ITFG2: variants seen among roughly 807,000 people sequenced by gnomAD.
ITFG2 encodes the protein KICSTOR complex protein ITFG2.
A neutral mutation model predicts 54.4 loss-of-function variants in ITFG2; 36 were observed. That is an observed-to-expected ratio of 0.66 (90% CI 0.51 to 0.87). The LOEUF (loss-of-function observed/expected upper bound fraction) is 0.87. Among genes scored for constraint, ITFG2 ranks in the 40% least tolerant of loss-of-function variants. The pLI, the probability that ITFG2 is intolerant of heterozygous loss-of-function variation, is 0.00. For synonymous variants in ITFG2, 211 were observed against 225.4 expected, an observed-to-expected ratio of 0.94 and a Z score of 0.57; for missense variants, 524 against 576.7, an observed-to-expected ratio of 0.91 and a Z score of 0.94.
chr12:2,850,317 T>TA (rs554655576), intron 2 of ITFG2, among the ~76,000 whole-genome samples: 222 of 151,762 alleles, frequency 1.5e-3, no homozygotes, highest in African/African-American at 5.0e-3. Context: ...CTACTAAAAA[T>TA]ACAAAAATTA....
chr12:2,823,205 C>T (rs752561287), intron 10 of ITFG2, among the ~76,000 whole-genome samples: 22 of 152,170 alleles, frequency 1.4e-4, no homozygotes, highest in Non-Finnish European at 2.4e-4. Flanking sequence ...ATCTCCACCC[C>T]GAATATTTTA....
chr12:2,822,736 T>A lies in ITFG2; in HGVS notation c.949-58T>A, dbSNP rs1020590872. The A allele has an allele frequency of 4.0e-5, 58 of 1,440,788 alleles. No homozygotes were observed. In the African/African-American group the frequency reaches 7.3e-4, roughly 18 times the overall value. 89.3% of individuals were successfully genotyped at this position (1,440,788 alleles called of 1,614,324 possible). On this transcript the variant is annotated intron_variant, in intron 9 of 11. Coordinates refer to ENST00000228799, the MANE Select transcript of ITFG2 (RefSeq NM_018463.4). ...AAATTCCTCCCCAGCTCGCTGTTTG[T>A]CATCCAGAATCCAGTCCACAGCTCC...
chr12:2,821,171 C>A, intron 6 of ITFG2, 91 bp from the exon 7 acceptor site: 1 of 1,046,500 alleles, frequency 9.6e-7, no homozygotes, highest in Non-Finnish European at 1.4e-6. Flanking sequence ...GATTCAAATC[C>A]CAGAAGCTCT....
rs373003877 is a variant in ITFG2 at position 2,822,922 on chromosome 12, C to T, written c.1066+11C>T. On this transcript the variant is annotated intron_variant, in intron 10 of 11. Transcript: ENST00000228799. ...GTGCCTTCTGTGCAGGTGACCCCCG[C>T]CCCCATGGCCCCTTTCTAACCACAC... 3.1e-6 allele frequency: 5 copies of T among 1,596,044 alleles called. No individual in the cohort carries two copies. The African/African-American group carries it at 4.0e-5, about 13-fold the overall frequency.
Position 2,821,258 on chromosome 12 carries a change from A to G in ITFG2, c.696-4A>G. 6.2e-7 allele frequency: 1 copy of G among 1,602,752 alleles called. No individual in the cohort carries two copies. The highest frequency in any genetic ancestry group is 1.1e-5 in the South Asian group (1 of 89,228). On this transcript the variant is annotated splice_polypyrimidine_tract_variant and splice_region_variant and intron_variant, in intron 6 of 11. Transcript: ENST00000228799. The stretch of plus-strand genomic sequence containing the variant: ...CGCTTGATCCGTCCACCTGCTGTGC[A>G]CAGGGAGACCCCAGCTGCCCGAGAC...
chr12:2,820,589 A>T, intron 5 of ITFG2, 135 bp from the exon 6 acceptor site: 1 of 791,972 alleles, frequency 1.3e-6, no homozygotes, highest in Non-Finnish European at 2.0e-6. Flanking sequence ...CTACCCTTGA[A>T]GCCCAGAGGG....
intron 1 of ITFG2, among the ~76,000 whole-genome samples, chr12:2,815,077 G>C (rs1012581401): frequency 6.6e-6 from 1 of 151,722 alleles, no homozygotes; most frequent in Admixed American, 6.6e-5. Context: ...AGGTTCAAGC[G>C]AACCTTGGCC....
chr12:2,852,572 G>A (rs1436511818), intron 2 of ITFG2, among the ~76,000 whole-genome samples: 1 of 151,956 alleles, frequency 6.6e-6, no homozygotes, highest in African/African-American at 2.4e-5. Context: ...CTCATATGGT[G>A]CCCCAGGCTG....
chr12:2,835,169 G>GTT, upstream of ITFG2: 1 of 1,324,058 alleles, frequency 7.6e-7, no homozygotes, highest in East Asian at 3.2e-5. Flanking sequence ...ATGTGTGTGT[G>GTT]TGTGTGTGTG....
chr12:2,830,513 A>G, intron 2 of ITFG2: 1 of 535,634 alleles, frequency 1.9e-6, no homozygotes, highest in East Asian at 3.2e-5. Flanking sequence ...GTGGTGACAG[A>G]TGGAGTTGCA....
upstream of ITFG2, among the ~76,000 whole-genome samples, chr12:2,832,349 T>G (rs1023002194): frequency 6.6e-6 from 1 of 151,978 alleles, no homozygotes; most frequent in Admixed American, 6.6e-5. Context: ...CCTGCCACTC[T>G]GTTTATGGGC....
upstream of ITFG2, chr12:2,834,942 G>A: frequency 6.2e-7 from 1 of 1,607,560 alleles, no homozygotes; most frequent in Non-Finnish European, 8.5e-7. Context: ...CTTTCCAACA[G>A]GAGGGTCTCC....
At chr12:2,842,712 A>C (rs2098044443) in intron 2 of ITFG2, among the ~76,000 whole-genome samples, 1 of 152,144 alleles carries the variant, frequency 6.6e-6, no homozygotes, top group Non-Finnish European at 1.5e-5. Context: ...AGCCTGGGTT[A>C]CAGAGTGAGA....
intron 2 of ITFG2, among the ~76,000 whole-genome samples, chr12:2,854,521 C>T (rs1475533546): frequency 6.6e-6 from 1 of 152,190 alleles, no homozygotes; most frequent in African/African-American, 2.4e-5. Context: ...CAGTTCTTTA[C>T]ATTAATAACT....
intron 1 of ITFG2, among the ~76,000 whole-genome samples, chr12:2,813,548 T>A (rs773558129): frequency 1.3e-5 from 2 of 152,156 alleles, no homozygotes; most frequent in African/African-American, 4.8e-5. Context: ...TAAAATGTAA[T>A]GAGATGCATT....
intron 2 of ITFG2, chr12:2,848,972 C>G (rs1346137298): frequency 4.1e-6 from 2 of 482,072 alleles, no homozygotes; most frequent in East Asian, 3.9e-5. Flanking sequence ...TCTCCCTGCT[C>G]TACCCAGCCT....
intron 2 of ITFG2, among the ~76,000 whole-genome samples, chr12:2,851,016 G>A (rs1349167275): frequency 4.1e-5 from 5 of 121,160 alleles, no homozygotes; most frequent in South Asian, 5.5e-4. Flanking sequence ...ACAGAGTCTC[G>A]CTTAGCCAGG....
chr12:2,854,320 C>T (rs574321667), intron 2 of ITFG2, among the ~76,000 whole-genome samples: 2 of 152,336 alleles, frequency 1.3e-5, no homozygotes, highest in East Asian at 3.9e-4. Context: ...CCACCACGCC[C>T]TGCCATAACA....
At chr12:2,839,411 A>G (rs796135844) in intron 1 of ITFG2, among the ~76,000 whole-genome samples, 6 of 152,216 alleles carry the variant, frequency 3.9e-5, no homozygotes, top group Admixed American at 3.9e-4. Flanking sequence ...AACCGTTAGG[A>G]GTAGAAGAAG....
Sources: gnomAD v4.1 joint callset for allele counts (sites outside exome capture counted in the v4.1 genomes callset) on GRCh38, gnomAD v4.1.1 for gene constraint, MANE v1.5 for transcripts, NCBI Gene and HGNC (gene_info 2026-07-23, HGNC 2026-07-21) for gene names.